CNTLN: variants seen among roughly 807,000 people sequenced by gnomAD.
The protein encoded by CNTLN is centlein, also known as centlein, centrosomal protein.
A neutral mutation model predicts 180.0 loss-of-function variants in CNTLN; 212 were observed. The ratio of observed to expected loss-of-function variants is 1.18; its 90% CI spans 1.05 to 1.32. CNTLN has a LOEUF of 1.32. Ranked by LOEUF, CNTLN falls within the 40% of genes most tolerant of loss-of-function variation. The pLI is 0.00. For synonymous variants in CNTLN, 722 were observed against 563.1 expected (o/e 1.28, Z -3.99); for missense variants, 2,095 against 1,610.9 (o/e 1.30, Z -5.14).
intron 2 of CNTLN, among the ~76,000 whole-genome samples, chr9:17,199,813 T>C (rs1822400470): frequency 6.6e-6 from 1 of 152,202 alleles, no homozygotes; most frequent in African/African-American, 2.4e-5. Flanking sequence ...GATGATAGTT[T>C]CTTTTCCTGT....
chr9:17,441,762 T>C (rs1830123138), intron 18 of CNTLN, among the ~76,000 whole-genome samples: 1 of 152,006 alleles, frequency 6.6e-6, no homozygotes. Context: ...AGTTGCCGAA[T>C]GGATTAAAAA....
chr9:17,307,425 C>T (rs922306244), intron 7 of CNTLN, among the ~76,000 whole-genome samples: 5 of 152,128 alleles, frequency 3.3e-5, no homozygotes, highest in Admixed American at 1.3e-4. Context: ...CATGCTACCA[C>T]GCCTGGGTAA....
At chr9:17,241,941 G>T (rs1346139739) in intron 5 of CNTLN, among the ~76,000 whole-genome samples, 1 of 152,086 alleles carries the variant, frequency 6.6e-6, no homozygotes, top group Non-Finnish European at 1.5e-5. Context: ...ATTCTAATAG[G>T]TTTTTGGTGG....
At chr9:17,479,643 C>T (rs910243382) in intron 23 of CNTLN, among the ~76,000 whole-genome samples, 5 of 152,086 alleles carry the variant, frequency 3.3e-5, no homozygotes, top group African/African-American at 1.2e-4. Context: ...CAATGATGTA[C>T]ACTTAAAATT....
In CNTLN at chr9:17,385,781, A is replaced by T. The variant is rs556808147; in HGVS notation, c.1988-2381A>T. ...CATTGTATTAGTTATTATAAGTAAT[A>T]TAGAGATTATTTAAACTATACAGGA... is the stretch of plus-strand genomic sequence containing the variant. On this transcript the variant is annotated intron_variant, in intron 13 of 25. Coordinates refer to ENST00000380647, the MANE Select transcript of CNTLN (RefSeq NM_017738.4). Among the ~76,000 whole-genome samples, 8 of 152,342 alleles carry T rather than the reference A, an allele frequency of 5.3e-5. No homozygotes were observed. The South Asian group carries it at 1.7e-3, about 32-fold the overall frequency.
intron 2 of CNTLN, among the ~76,000 whole-genome samples, chr9:17,145,438 A>C (rs1357881484): frequency 6.6e-6 from 1 of 152,202 alleles, no homozygotes; most frequent in Non-Finnish European, 1.5e-5. Flanking sequence ...TGTTAAAAAG[A>C]ATATTCTAAA....
chr9:17,309,169 G>T lies in CNTLN; in HGVS notation c.1258G>T (p.Ala420Ser). 6.2e-7 allele frequency: 1 copy of T among 1,610,532 alleles called. No individual in the cohort carries two copies. The change falls in exon 8 of 26, where the codon GCT (alanine) becomes TCT (serine). Residue 420 changes from alanine (A) to serine (S), a missense_variant. Physicochemically the swap from Ala to Ser is moderately conservative, Grantham distance 99. Transcript: ENST00000380647. ...GCTATTACAAAAAGAGCAAGAAAAT[G>T]CTAAGTTAAAAGAAAAACTTCAGGA... ...DQLLQKEQEN[A>S]KLKEKLQESQ...
At chr9:17,277,917 C>A (rs1243178663) in intron 6 of CNTLN, among the ~76,000 whole-genome samples, 1 of 152,108 alleles carries the variant, frequency 6.6e-6, no homozygotes, top group African/African-American at 2.4e-5. Flanking sequence ...GATACCAGTT[C>A]TCTCTGAATA....
chr9:17,269,670 T>G (rs1428184541), intron 5 of CNTLN, among the ~76,000 whole-genome samples: 1 of 152,182 alleles, frequency 6.6e-6, no homozygotes, highest in African/African-American at 2.4e-5. Flanking sequence ...TTGTTGAGCC[T>G]TGTTTTATGG....
chr9:17,256,106 A>G (rs994927685), intron 5 of CNTLN, among the ~76,000 whole-genome samples: 1 of 151,976 alleles, frequency 6.6e-6, no homozygotes, highest in African/African-American at 2.4e-5. Flanking sequence ...TTTAACTGCT[A>G]CATAGTATTC....
At position 17,457,194 on chromosome 9, in the gene CNTLN, C is replaced by G. The variant is rs1009512728; in HGVS notation, c.3115-330C>G. On this transcript the variant is annotated intron_variant, in intron 18 of 25. Transcript: ENST00000380647. ...GGCTTTTCCCAGTTAAGTACTACAT[C>G]AGCTCTGAAGTCAAGGTTATCAAAT... Among the ~76,000 whole-genome samples the G allele has an allele frequency of 4.6e-5, 7 of 152,218 alleles. No individual in the cohort carries two copies. The East Asian group carries it at 1.2e-3, about 25-fold the overall frequency.
chr9:17,431,099 C>G (rs1311116714), intron 18 of CNTLN, among the ~76,000 whole-genome samples: 3 of 151,990 alleles, frequency 2.0e-5, no homozygotes. Context: ...TATGGTAGTT[C>G]TATTTCTGGT....
chr9:17,213,981 A>T (rs567418218), intron 2 of CNTLN, among the ~76,000 whole-genome samples: 116 of 152,218 alleles, frequency 7.6e-4, no homozygotes, highest in African/African-American at 2.7e-3. Context: ...TGAATACAGC[A>T]CACTGATGGG....
intron 23 of CNTLN, among the ~76,000 whole-genome samples, chr9:17,476,584 C>G (rs1307543657): frequency 6.6e-6 from 1 of 152,116 alleles, no homozygotes; most frequent in East Asian, 1.9e-4. Flanking sequence ...AGTGAAACAG[C>G]CTTATTGCTG....
chr9:17,138,336 CTA>C (rs1817859396), intron 1 of CNTLN, among the ~76,000 whole-genome samples: 1 of 152,056 alleles, frequency 6.6e-6, no homozygotes, highest in Non-Finnish European at 1.5e-5. Flanking sequence ...AAAATATTGA[CTA>C]AACCTATAAG....
chr9:17,200,653 A>G (rs986800387), intron 2 of CNTLN, among the ~76,000 whole-genome samples: 4 of 152,110 alleles, frequency 2.6e-5, no homozygotes, highest in African/African-American at 9.7e-5. Flanking sequence ...TTATTGGCAT[A>G]TAGGAATGCT....
intron 2 of CNTLN, chr9:17,166,724 T>C (rs1301674171): frequency 7.5e-6 from 2 of 266,016 alleles, no homozygotes; most frequent in Non-Finnish European, 7.7e-6. Context: ...CAACCTAAAA[T>C]TCTATAACCA....
intron 12 of CNTLN, among the ~76,000 whole-genome samples, chr9:17,349,027 G>T (rs945191202): frequency 6.6e-6 from 1 of 152,134 alleles, no homozygotes; most frequent in African/African-American, 2.4e-5. Flanking sequence ...CTTCTAGGTG[G>T]TGAGTTTCTC....
chr9:17,342,174 T>C, intron 11 of CNTLN, 151 bp from the exon 12 acceptor site: 2 of 779,922 alleles, frequency 2.6e-6, no homozygotes, highest in Admixed American at 2.9e-5. Context: ...GATTTCTACA[T>C]GCTTAGGTTT....
Sources: allele counts gnomAD v4.1 joint callset (sites outside exome capture counted in the v4.1 genomes callset), GRCh38; gene constraint gnomAD v4.1.1; transcripts MANE v1.5; gene names NCBI Gene and HGNC (gene_info 2026-07-23, HGNC 2026-07-21).